Variants in TRPM6 observed in about 807,000 individuals in gnomAD.
The protein encoded by TRPM6 is transient receptor potential cation channel subfamily M member 6, also known as channel kinase 2.
TRPM6 carries 111 observed loss-of-function variants against 247.6 expected under a neutral mutation model. The ratio of observed to expected loss-of-function variants is 0.45; its 90% CI spans 0.38 to 0.52. The LOEUF (loss-of-function observed/expected upper bound fraction) is 0.52. Ranked by LOEUF, TRPM6 falls within the 20% of genes least tolerant of loss-of-function variation. TRPM6 has a pLI of 0.00. For synonymous variants in TRPM6, 892 were observed against 853.8 expected (o/e 1.04, Z -0.78); for missense variants, 2,126 against 2,421.5 (o/e 0.88, Z 2.56).
At chr9:74,811,498 G>A (rs894781989) in intron 12 of TRPM6, among the ~76,000 whole-genome samples, 2 of 152,204 alleles carry the variant, frequency 1.3e-5, no homozygotes, top group African/African-American at 4.8e-5. Context: ...TTTTCACAGT[G>A]TGTAAGTCAG....
At chr9:74,868,170 C>T (rs545952192) in intron 1 of TRPM6, among the ~76,000 whole-genome samples, 60 of 148,508 alleles carry the variant, frequency 4.0e-4, no homozygotes, top group Middle Eastern at 3.8e-3. Flanking sequence ...ACTTTGACAC[C>T]TCATGTTATT....
At chr9:74,754,477 C>G (rs557334248) in intron 28 of TRPM6, among the ~76,000 whole-genome samples, 3 of 152,290 alleles carry the variant, frequency 2.0e-5, no homozygotes, top group Non-Finnish European at 4.4e-5. Context: ...AGCATTCCCC[C>G]CACTTTAGTT....
At chr9:74,789,910 G>A (rs1345315110) in intron 19 of TRPM6, among the ~76,000 whole-genome samples, 3 of 136,116 alleles carry the variant, frequency 2.2e-5, no homozygotes, top group Admixed American at 1.8e-4. Context: ...GCAGTGAGCC[G>A]AGATTGCACC....
chr9:74,871,024 G>A (rs992856867), intron 1 of TRPM6, among the ~76,000 whole-genome samples: 15 of 152,060 alleles, frequency 9.9e-5, no homozygotes, highest in African/African-American at 3.6e-4. Flanking sequence ...ATAGCTTCAA[G>A]TAAACCCTCT....
In TRPM6 at chr9:74,814,307, G is replaced by A. The variant is rs143788398; in HGVS notation, c.1309-1874C>T. 2.5e-3 allele frequency among the ~76,000 whole-genome samples: 385 copies of A among 152,108 alleles called. 4 individuals are homozygous for A. The highest frequency in any genetic ancestry group is 8.9e-3 in the African/African-American group (371 of 41,514). ...GGATGGTTACCAGAAGCTGGGAAGA[G>A]TACTGAGGGGGATAAGGGGGATAAT... On this transcript the variant is annotated intron_variant, in intron 11 of 38. Coordinates refer to ENST00000360774, the MANE Select transcript of TRPM6 (RefSeq NM_017662.5).
At chr9:74,842,136 C>A (rs764788995) in intron 4 of TRPM6, 30 bp downstream of exon 4, 7 of 1,601,150 alleles carry the variant, frequency 4.4e-6, no homozygotes, top group South Asian at 1.1e-5. Flanking sequence ...AAGAAAGAAA[C>A]CAGCAAAACA....
chr9:74,737,109 T>C (rs186920535), intron 36 of TRPM6, among the ~76,000 whole-genome samples: 2 of 152,328 alleles, frequency 1.3e-5, no homozygotes, highest in Admixed American at 1.3e-4. Context: ...TCTGGGTTTA[T>C]AGGGATCAGG....
At chr9:74,857,383 A>G (rs1425253106) in intron 2 of TRPM6, among the ~76,000 whole-genome samples, 1 of 152,226 alleles carries the variant, frequency 6.6e-6, no homozygotes, top group Non-Finnish European at 1.5e-5. Context: ...TTAAAGGCAT[A>G]TAAGGACAAA....
rs1827513086 is a variant in TRPM6 at position 74,782,857 on chromosome 9, CA to C, written c.2920-5del. The C allele has an allele frequency of 6.2e-6, 10 of 1,613,844 alleles. No individual in the cohort carries two copies. The highest frequency in any genetic ancestry group is 1.1e-5 in the South Asian group (1 of 91,082). ...CAATATAGAACATGTTTGCTGTCTG[CA>C]AAAGAGCATAGTACAACCAGAATTT... On this transcript the variant is annotated splice_polypyrimidine_tract_variant and splice_region_variant and intron_variant, in intron 21 of 38. Transcript: ENST00000360774.
chr9:74,852,437 TC>T (rs1413408406), intron 3 of TRPM6, among the ~76,000 whole-genome samples: 1 of 144,748 alleles, frequency 6.9e-6, no homozygotes, highest in East Asian at 2.1e-4. Flanking sequence ...CCGCTCCCTC[TC>T]CCGCTCCCCC....
At chr9:74,806,644 T>C (rs1393853849) in intron 14 of TRPM6, among the ~76,000 whole-genome samples, 2 of 152,206 alleles carry the variant, frequency 1.3e-5, no homozygotes, top group Admixed American at 6.5e-5. Flanking sequence ...ATTTTTCATA[T>C]ATTATTTAAT....
In TRPM6 at chr9:74,827,935, G is replaced by C; in HGVS notation, c.684C>G (p.Tyr228Ter). 6.2e-7 allele frequency: 1 copy of C among 1,614,034 alleles called. No homozygotes were observed. Among genetic ancestry groups the C allele is most frequent in the Non-Finnish European group, 8.5e-7 (1 of 1,179,994 alleles). Reference protein sequence around the residue: ...DLIGKDVVCLYQTLDNPLSKL... With the variant: ...DLIGKDVVCL ...TGCTGAGGGGGTTATCCAGAGTCTG[G>C]TACAGGCACACCACCTGAGAGACAG... The change falls in exon 7 of 39, where the codon TAC becomes TAG. Residue 228 changes from tyrosine to a stop codon, truncating the protein, a stop_gained. Transcript: ENST00000360774. LOFTEE classifies it high-confidence loss of function.
In TRPM6 at chr9:74,762,069, C is replaced by T. The variant is rs768780401; in HGVS notation, c.4602G>A (p.Arg1534=). ...SFWINPLRRY[R]PFARSHSFRF... is the part of the protein sequence containing the mutation. ...TAAAACTATGACTCCTAGCGAAGGG[C>T]CTGTATCTGCGGAGAGGATTGATCC... Residue 1534 remains arginine, a synonymous_variant, in exon 26 of 39, where the codon AGG becomes AGA. Coordinates refer to ENST00000360774, the MANE Select transcript of TRPM6 (RefSeq NM_017662.5). 22 of 1,614,074 alleles carry T rather than the reference C, an allele frequency of 1.4e-5. No individual in the cohort carries two copies. The highest frequency in any genetic ancestry group is 1.7e-5 in the Non-Finnish European group (20 of 1,180,030).
intron 5 of TRPM6, among the ~76,000 whole-genome samples, chr9:74,834,466 T>C (rs1829650844): frequency 6.6e-6 from 1 of 151,668 alleles, no homozygotes; most frequent in Non-Finnish European, 1.5e-5. Context: ...CTTATTATTA[T>C]TATTATTATT....
chr9:74,774,727 T>C (rs1479685392), intron 24 of TRPM6, among the ~76,000 whole-genome samples: 1 of 152,212 alleles, frequency 6.6e-6, no homozygotes, highest in Non-Finnish European at 1.5e-5. Flanking sequence ...ATAGTGAGTA[T>C]GTCATAAATG....
At chr9:74,782,641 G>A (rs1378280749) in intron 22 of TRPM6, 38 bp downstream of exon 22, 1 of 1,606,312 alleles carries the variant, frequency 6.2e-7, no homozygotes. Flanking sequence ...TAACTATGAA[G>A]GCACAATTTC....
chr9:74,794,358 A>G (rs908410098), intron 18 of TRPM6, among the ~76,000 whole-genome samples: 2 of 152,138 alleles, frequency 1.3e-5, no homozygotes, highest in African/African-American at 4.8e-5. Context: ...ATAATTGCAG[A>G]AAAATGTGAC....
chr9:74,744,621 G>C (rs1297977933), intron 31 of TRPM6, among the ~76,000 whole-genome samples: 1 of 152,188 alleles, frequency 6.6e-6, no homozygotes, highest in Non-Finnish European at 1.5e-5. Flanking sequence ...TGGAAACAAA[G>C]AAGAGGGTGG....
Position 74,887,901 on chromosome 9 carries a change from A to G in TRPM6, c.-45T>C. The G allele has an allele frequency of 1.2e-5, 20 of 1,612,928 alleles. No individual in the cohort carries two copies. The highest frequency in any genetic ancestry group is 1.7e-5 in the Non-Finnish European group (20 of 1,179,236). Reference sequence around the variant, plus strand: ...CTCCCAAAGCCCTGTCTGAGCTTTTAACTGTGGAGGCAGAAACTCTGGGCT... The same window carrying G: ...CTCCCAAAGCCCTGTCTGAGCTTTTGACTGTGGAGGCAGAAACTCTGGGCT... On this transcript the variant is annotated 5_prime_UTR_variant, in exon 1 of 39. Transcript: ENST00000360774.
Sources: gnomAD v4.1 joint callset for allele counts (sites outside exome capture counted in the v4.1 genomes callset) on GRCh38, gnomAD v4.1.1 for gene constraint, MANE v1.5 for transcripts, NCBI Gene and HGNC (gene_info 2026-07-23, HGNC 2026-07-21) for gene names.